FHIT: variants seen among roughly 807,000 people sequenced by gnomAD.
FHIT encodes bis(5'-adenosyl)-triphosphatase.
In FHIT, 19 loss-of-function variants were observed where a neutral mutation model predicts 17.9. The ratio of observed to expected loss-of-function variants is 1.06; its 90% confidence interval spans 0.74 to 1.56. The LOEUF (loss-of-function observed/expected upper bound fraction) is 1.56, where lower values mean the gene tolerates loss of function less well. FHIT is among the 40% of genes most tolerant of loss of function. FHIT has a pLI of 0.00. For synonymous variants in FHIT, 81 were observed against 69.7 expected, an observed-to-expected ratio of 1.16 and a Z score of -0.81; for missense variants, 248 against 189.2, an observed-to-expected ratio of 1.31 and a Z score of -1.82.
chr3:60,887,588 G>C (rs1281569649), intron 3 of FHIT, among the ~76,000 whole-genome samples: 1 of 152,172 alleles, frequency 6.6e-6, no homozygotes, highest in African/African-American at 2.4e-5. Flanking sequence ...AGAGGTTGCA[G>C]TGAGCCGAGA....
At chr3:60,092,558 G>A (rs1286986840) in intron 5 of FHIT, among the ~76,000 whole-genome samples, 1 of 152,234 alleles carries the variant, frequency 6.6e-6, no homozygotes, top group Non-Finnish European at 1.5e-5. Context: ...TCCATTCAGA[G>A]GTGCTTTTAT....
At chr3:60,499,000 G>T (rs944306986) in intron 5 of FHIT, among the ~76,000 whole-genome samples, 1 of 151,992 alleles carries the variant, frequency 6.6e-6, no homozygotes, top group Admixed American at 6.6e-5. Flanking sequence ...TTGGCTTAAA[G>T]GTAAGAATAA....
At chr3:59,764,863 A>AACACACACACAC (rs57549363) in intron 8 of FHIT, among the ~76,000 whole-genome samples, 3 of 145,692 alleles carry the variant, frequency 2.1e-5, no homozygotes, top group African/African-American at 7.9e-5. Flanking sequence ...GGCAACTGCA[A>AACACACACACAC]ACACACACAC....
intron 1 of FHIT, among the ~76,000 whole-genome samples, chr3:61,201,409 A>G (rs1308983186): frequency 1.3e-5 from 2 of 152,202 alleles, no homozygotes; most frequent in Non-Finnish European, 2.9e-5. Flanking sequence ...AATCTTACTC[A>G]TAAGGTGCCT....
chr3:60,645,056 G>A (rs2039821549), intron 4 of FHIT, among the ~76,000 whole-genome samples: 1 of 152,018 alleles, frequency 6.6e-6, no homozygotes, highest in South Asian at 2.1e-4. Context: ...TAGATCCCAG[G>A]TGGGTGGCCA....
chr3:60,517,010 G>A (rs1363070382), intron 5 of FHIT, among the ~76,000 whole-genome samples: 1 of 152,124 alleles, frequency 6.6e-6, no homozygotes, highest in African/African-American at 2.4e-5. Flanking sequence ...ACCCTTTCAT[G>A]TTCAAAGTCA....
intron 7 of FHIT, among the ~76,000 whole-genome samples, chr3:59,949,993 C>A (rs1707033797): frequency 6.6e-6 from 1 of 152,114 alleles, no homozygotes; most frequent in African/African-American, 2.4e-5. Context: ...GAGGACCAGG[C>A]CTCAGGAGGA....
intron 4 of FHIT, among the ~76,000 whole-genome samples, chr3:60,770,146 C>G (rs1699991973): frequency 1.3e-5 from 2 of 152,144 alleles, no homozygotes; most frequent in African/African-American, 4.8e-5. Flanking sequence ...TAGACTCCAG[C>G]AACCCCAAAT....
chr3:61,198,805 A>G (rs11714760), intron 2 of FHIT, among the ~76,000 whole-genome samples: 14,309 of 152,158 alleles, frequency 0.094, 888 homozygotes, highest in Non-Finnish European at 0.14. Flanking sequence ...TATTTTAGAA[A>G]TATTATCCTG....
intron 5 of FHIT, among the ~76,000 whole-genome samples, chr3:60,419,422 TTC>T (rs1191271948): frequency 6.6e-6 from 1 of 152,210 alleles, no homozygotes; most frequent in Non-Finnish European, 1.5e-5. Context: ...AGTTGGCACT[TTC>T]TGTGTCTCTC....
At chr3:60,499,711 C>G (rs1238191583) in intron 5 of FHIT, among the ~76,000 whole-genome samples, 1 of 152,108 alleles carries the variant, frequency 6.6e-6, no homozygotes, top group Non-Finnish European at 1.5e-5. Flanking sequence ...ATTGAGCATG[C>G]AAACTTGTTT....
At chr3:60,839,175 G>A (rs9815205) in intron 3 of FHIT, among the ~76,000 whole-genome samples, 4,185 of 152,190 alleles carry the variant, frequency 0.027, 171 homozygotes, top group African/African-American at 0.095. Context: ...GACGAAAATG[G>A]TGAGTGTAAT....
chr3:59,758,609 T>C (rs1701340972), intron 8 of FHIT, among the ~76,000 whole-genome samples: 1 of 152,068 alleles, frequency 6.6e-6, no homozygotes, highest in Non-Finnish European at 1.5e-5. Flanking sequence ...ACAACACCTC[T>C]AAGAGAAAGA....
chr3:60,082,248 A>G (rs961804535), intron 5 of FHIT, among the ~76,000 whole-genome samples: 9 of 55,346 alleles, frequency 1.6e-4, no homozygotes, highest in African/African-American at 9.7e-4. Context: ...TCCTGTGTTA[A>G]TTTGCTTAGG....
intron 7 of FHIT, among the ~76,000 whole-genome samples, chr3:59,986,524 T>A (rs1210825122): frequency 0.26 from 863 of 3,334 alleles, 13 homozygotes; most frequent in East Asian, 0.47. Context: ...TATATATATA[T>A]ATATATATAT....
At chr3:59,790,396 A>G (rs1416477794) in intron 8 of FHIT, among the ~76,000 whole-genome samples, 2 of 152,164 alleles carry the variant, frequency 1.3e-5, no homozygotes, top group Non-Finnish European at 2.9e-5. Flanking sequence ...TAGGAAAAGG[A>G]GGCATTTTAA....
chr3:60,018,585 T>C (rs539330323), intron 5 of FHIT, among the ~76,000 whole-genome samples: 179 of 151,890 alleles, frequency 1.2e-3, no homozygotes, highest in African/African-American at 4.2e-3. Context: ...TCAGAGATCA[T>C]CTCAGACCTT....
intron 5 of FHIT, among the ~76,000 whole-genome samples, chr3:60,311,419 G>T (rs373082406): frequency 5.9e-5 from 9 of 152,110 alleles, no homozygotes; most frequent in African/African-American, 2.2e-4. Context: ...ATATCTCTTT[G>T]CTCATGAATG....
chr3:60,068,142 A>G (rs1280068894), intron 5 of FHIT, among the ~76,000 whole-genome samples: 1 of 152,176 alleles, frequency 6.6e-6, no homozygotes, highest in Non-Finnish European at 1.5e-5. Context: ...AGGCTGAGGC[A>G]GGAGAATTCT....
Sources: gnomAD v4.1 joint callset for allele counts (sites outside exome capture counted in the v4.1 genomes callset) on GRCh38, gnomAD v4.1.1 for gene constraint, MANE v1.5 for transcripts, NCBI Gene and HGNC (gene_info 2026-07-23, HGNC 2026-07-21) for gene names.